The following NRXN3 variants were observed in gnomAD, a reference collection of about 807,000 sequenced individuals.
NRXN3 encodes the protein neurexin 3.
NRXN3 carries 32 observed loss-of-function variants against 137.6 expected under a neutral mutation model. The ratio of observed to expected loss-of-function variants is 0.23; its 90% confidence interval spans 0.18 to 0.31. The LOEUF (loss-of-function observed/expected upper bound fraction) is 0.31. Among genes scored for constraint, NRXN3 ranks in the 10% least tolerant of loss-of-function variants. The probability of loss-of-function intolerance (pLI) is 1.00; values close to 1 mark genes in which losing one functional copy is unlikely to be tolerated. For synonymous variants in NRXN3, 798 were observed against 784.5 expected (o/e 1.02, Z -0.29); for missense variants, 1,574 against 2,062.5 (o/e 0.76, Z 4.59).
chr14:78,509,894 C>G (rs2096069288), intron 4 of NRXN3, among the ~76,000 whole-genome samples: 1 of 151,880 alleles, frequency 6.6e-6, no homozygotes, highest in African/African-American at 2.4e-5. Context: ...GCTTGTCTGC[C>G]CTAAGAAACA....
At chr14:78,512,315 C>T (rs1373135002) in intron 4 of NRXN3, among the ~76,000 whole-genome samples, 1 of 152,104 alleles carries the variant, frequency 6.6e-6, no homozygotes, top group East Asian at 1.9e-4. Flanking sequence ...TTACTTTAAG[C>T]CACTAAGTTT....
At chr14:78,435,619 C>T (rs2094037786) in intron 4 of NRXN3, among the ~76,000 whole-genome samples, 1 of 152,182 alleles carries the variant, frequency 6.6e-6, no homozygotes, top group Non-Finnish European at 1.5e-5. Flanking sequence ...TATTCCCCTC[C>T]CAGTCCCAAA....
chr14:78,346,425 A>G, intron 4 of NRXN3, among the ~76,000 whole-genome samples: 1 of 152,124 alleles, frequency 6.6e-6, no homozygotes, highest in Admixed American at 6.5e-5. Flanking sequence ...GAAAAATTGG[A>G]GGGAAATGTC....
chr14:78,807,907 A>G (rs929375877), intron 9 of NRXN3, among the ~76,000 whole-genome samples: 2 of 152,104 alleles, frequency 1.3e-5, no homozygotes, highest in African/African-American at 4.8e-5. Context: ...TTTTTCAAGC[A>G]AAAAGTCTGG....
At chr14:79,115,654 T>A (rs2054314357) in intron 15 of NRXN3, among the ~76,000 whole-genome samples, 1 of 152,192 alleles carries the variant, frequency 6.6e-6, no homozygotes, top group Non-Finnish European at 1.5e-5. Context: ...AGTAAATGTA[T>A]CTGCCTGCCT....
chr14:79,062,970 A>G (rs1568158714), intron 15 of NRXN3, among the ~76,000 whole-genome samples: 1 of 152,142 alleles, frequency 6.6e-6, no homozygotes, highest in African/African-American at 2.4e-5. Flanking sequence ...TAATTTGTAT[A>G]GTATGTATTT....
chr14:79,621,595 G>A (rs2098225503), intron 16 of NRXN3, among the ~76,000 whole-genome samples: 1 of 152,156 alleles, frequency 6.6e-6, no homozygotes, highest in South Asian at 2.1e-4. Context: ...AGACTCTTGG[G>A]AGGGAATAGC....
intron 15 of NRXN3, among the ~76,000 whole-genome samples, chr14:79,261,774 C>A (rs556335228): frequency 9.9e-5 from 15 of 152,180 alleles, no homozygotes; most frequent in Admixed American, 9.2e-4. Flanking sequence ...AATGAGACTG[C>A]AATCCTGCGG....
At chr14:79,227,784 TC>T (rs1568684555) in intron 15 of NRXN3, among the ~76,000 whole-genome samples, 1,781 of 87,324 alleles carry the variant, frequency 0.02, 49 homozygotes, top group East Asian at 0.039. Flanking sequence ...CTTCCTTCCT[TC>T]CCTCCTCCCT....
intron 15 of NRXN3, among the ~76,000 whole-genome samples, chr14:79,161,402 GAAGAT>G (rs2060757407): frequency 1.3e-5 from 2 of 152,036 alleles, no homozygotes; most frequent in East Asian, 3.9e-4. Context: ...ATTGTATTCT[GAAGAT>G]AAGATACATT....
chr14:79,025,379 C>G (rs747956320), intron 15 of NRXN3, among the ~76,000 whole-genome samples: 1 of 152,154 alleles, frequency 6.6e-6, no homozygotes, highest in Non-Finnish European at 1.5e-5. Context: ...ACACTGGCTT[C>G]CCAGCCCTGT....
At chr14:79,772,506 G>A (rs2099082038) in intron 19 of NRXN3, among the ~76,000 whole-genome samples, 1 of 152,146 alleles carries the variant, frequency 6.6e-6, no homozygotes, top group African/African-American at 2.4e-5. Context: ...TGACAAACCT[G>A]AGAAAAACAA....
intron 4 of NRXN3, among the ~76,000 whole-genome samples, chr14:78,449,548 A>G (rs889328053): frequency 6.6e-6 from 1 of 152,258 alleles, no homozygotes; most frequent in South Asian, 2.1e-4. Flanking sequence ...TTTTCACACA[A>G]TATCTCTAAA....
At chr14:78,370,368 T>C (rs1231325466) in intron 4 of NRXN3, among the ~76,000 whole-genome samples, 1 of 152,078 alleles carries the variant, frequency 6.6e-6, no homozygotes, top group East Asian at 1.9e-4. Flanking sequence ...TCCTTTGGCC[T>C]CTGTTTGGTA....
At chr14:79,536,602 GCT>G (rs1372323700) in intron 16 of NRXN3, among the ~76,000 whole-genome samples, 1 of 151,918 alleles carries the variant, frequency 6.6e-6, no homozygotes. Flanking sequence ...TTATCCTGAT[GCT>G]CTCTCTCCTT....
chr14:79,038,752 A>G lies in NRXN3; in HGVS notation c.3262+50611A>G, dbSNP rs140970868. Among the ~76,000 whole-genome samples the G allele has an allele frequency of 1.9e-4, 29 of 152,184 alleles. 1 individual carries two copies. The highest frequency in any genetic ancestry group is 3.4e-4 in the African/African-American group (14 of 41,538). On this transcript the variant is annotated intron_variant, in intron 15 of 20. Coordinates refer to ENST00000335750, the MANE Select transcript of NRXN3 (RefSeq NM_001330195.2). ...CAGAAAGGAGCCTTATTTACATCCA[A>G]ATGAATTCCCAGGAGAGTTTTCCAC... is the stretch of plus-strand genomic sequence containing the variant.
chr14:78,278,660 C>G lies in NRXN3; in HGVS notation c.725C>G (p.Pro242Arg), dbSNP rs1476044664. The change falls in exon 3 of 21, where the codon CCA becomes CGA. Residue 242 changes from proline to arginine, a missense_variant and splice_region_variant. Pro to Arg is a moderately radical substitution (Grantham distance 103). This residue lies in a region of NRXN3 where 400 missense variants were observed against 527.3 expected (regional missense o/e 0.76). Coordinates refer to ENST00000335750, the MANE Select transcript of NRXN3 (RefSeq NM_001330195.2). ...GCTGCCACAGATGTCAGTCAAGATC[C>G]AGGTGAGTCTTTGTGTTTGCACAGC... ...KLCSEDVSQD[P>R]GLSHLMMSEQ... The G allele has an allele frequency of 1.3e-6, 2 of 1,535,168 alleles. No individual in the cohort carries two copies. Among genetic ancestry groups the G allele is most frequent in the Non-Finnish European group, 1.7e-6 (2 of 1,146,466 alleles).
chr14:79,318,722 T>C (rs1053163048), intron 15 of NRXN3, among the ~76,000 whole-genome samples: 1 of 152,196 alleles, frequency 6.6e-6, no homozygotes, highest in African/African-American at 2.4e-5. Context: ...TATGGAACAT[T>C]CTTTGGGGTC....
intron 8 of NRXN3, among the ~76,000 whole-genome samples, chr14:78,740,517 T>C (rs1007099140): frequency 1.3e-5 from 2 of 150,610 alleles, no homozygotes; most frequent in African/African-American, 4.8e-5. Context: ...CACTTTAATT[T>C]GCAATTTTTT....
Sources: allele counts gnomAD v4.1 joint callset (sites outside exome capture counted in the v4.1 genomes callset), GRCh38; gene constraint gnomAD v4.1.1; regional missense constraint gnomAD v4.1.1; transcripts MANE v1.5; gene names NCBI Gene and HGNC (gene_info 2026-07-23, HGNC 2026-07-21).